The following RGPD2 variants were observed in gnomAD, a reference collection of about 807,000 sequenced individuals.
RGPD2 encodes the protein RANBP2 like and GRIP domain containing 2.
Under a neutral mutation model 36.0 loss-of-function variants are expected in RGPD2, and 2 were observed. That is an observed-to-expected ratio of 0.06 (90% confidence interval 0.02 to 0.17). The LOEUF is 0.17. Among genes scored for constraint, RGPD2 ranks in the 10% least tolerant of loss-of-function variants. RGPD2 has a pLI of 1.00. For missense variants in RGPD2, 40 were observed against 464.3 expected, an observed-to-expected ratio of 0.09 and a Z score of 8.40; for synonymous variants, 19 against 163.8, an observed-to-expected ratio of 0.12 and a Z score of 6.75.
the RGPD2 span, among the ~76,000 whole-genome samples, chr2:87,930,802 A>T: frequency 3.2e-4 from 41 of 128,812 alleles, no homozygotes; most frequent in African/African-American, 7.4e-4. Context: ...AAAGGGTGTT[A>T]TTTGTCCAGG....
intron 22 of RGPD2, among the ~76,000 whole-genome samples, chr2:87,763,199 CCAGGCTGGAGTG>C (rs1684939746): frequency 7.9e-6 from 1 of 127,040 alleles, no homozygotes; most frequent in South Asian, 2.8e-4. Flanking sequence ...GCTCTGAAGC[CCAGGCTGGAGTG>C]CAGTGGCACG....
At chr2:87,984,009 C>T in the RGPD2 span, among the ~76,000 whole-genome samples, 4 of 151,102 alleles carry the variant, frequency 2.6e-5, no homozygotes, top group South Asian at 2.1e-4. Flanking sequence ...GCGTGACGAA[C>T]GCAACCTGAC....
the RGPD2 span, among the ~76,000 whole-genome samples, chr2:87,920,096 T>C: frequency 6.6e-6 from 1 of 151,780 alleles, no homozygotes; most frequent in Non-Finnish European, 1.5e-5. Context: ...GAAGACATCA[T>C]GTATATATAA....
At chr2:87,966,226 G>T in the RGPD2 span, among the ~76,000 whole-genome samples, 1 of 152,196 alleles carries the variant, frequency 6.6e-6, no homozygotes, top group African/African-American at 2.4e-5. Flanking sequence ...AGCTGTATAT[G>T]CCACTGCATA....
chr2:87,929,066 T>C, the RGPD2 span, among the ~76,000 whole-genome samples: 5 of 152,020 alleles, frequency 3.3e-5, no homozygotes, highest in African/African-American at 1.2e-4. Flanking sequence ...AGATTCCATT[T>C]GTCAATTTTT....
chr2:87,859,350 CCTT>C, the RGPD2 span, among the ~76,000 whole-genome samples: 13 of 121,068 alleles, frequency 1.1e-4, no homozygotes, highest in African/African-American at 4.0e-4. Context: ...GTAGAGGGCT[CCTT>C]CTTCTTCTGT....
At chr2:87,921,490 G>C in the RGPD2 span, among the ~76,000 whole-genome samples, 1 of 152,106 alleles carries the variant, frequency 6.6e-6, no homozygotes, top group Admixed American at 6.5e-5. Context: ...GGAAGATTGA[G>C]ATCCCAAAGC....
chr2:87,972,827 T>C, the RGPD2 span: 5 of 1,611,842 alleles, frequency 3.1e-6, no homozygotes, highest in Non-Finnish European at 3.4e-6. Context: ...TGAGCTCTGG[T>C]GGTTCTGGCT....
the RGPD2 span, among the ~76,000 whole-genome samples, chr2:87,979,015 A>G: frequency 6.7e-6 from 1 of 148,578 alleles, no homozygotes; most frequent in South Asian, 2.1e-4. Flanking sequence ...TGGGCGGATT[A>G]TTGAGGCCAG....
the RGPD2 span, among the ~76,000 whole-genome samples, chr2:87,885,419 G>A: frequency 6.6e-6 from 1 of 151,958 alleles, no homozygotes; most frequent in Non-Finnish European, 1.5e-5. Context: ...AAAATTGAAG[G>A]CTTTTCCTTT....
intron 6 of RGPD2, among the ~76,000 whole-genome samples, chr2:87,809,827 T>C (rs1686104820): frequency 6.8e-6 from 1 of 146,026 alleles, no homozygotes; most frequent in African/African-American, 2.5e-5. Context: ...CCTCCCCCTC[T>C]GAGGGCCAAG....
the RGPD2 span, among the ~76,000 whole-genome samples, chr2:87,878,387 T>C: frequency 2.7e-5 from 4 of 149,472 alleles, no homozygotes; most frequent in Admixed American, 2.7e-4. Context: ...AGGTTGGTTA[T>C]GTTCCTCTCT....
chr2:87,973,289 G>A, the RGPD2 span, among the ~76,000 whole-genome samples: 46 of 144,976 alleles, frequency 3.2e-4, no homozygotes, highest in African/African-American at 9.2e-4. Flanking sequence ...CGCTATCGCC[G>A]TTTAACTGGC....
chr2:87,988,893 A>T, the RGPD2 span, among the ~76,000 whole-genome samples: 1 of 152,080 alleles, frequency 6.6e-6, no homozygotes, highest in Non-Finnish European at 1.5e-5. Context: ...GAAGAACCTC[A>T]GGGAACAGAA....
At chr2:87,989,729 A>G in the RGPD2 span, 10 of 1,004,212 alleles carry the variant, frequency 1.0e-5, no homozygotes, top group South Asian at 1.1e-4. Context: ...GATCTCTGAT[A>G]GAATCAATGT....
At chr2:87,975,514 C>CA in the RGPD2 span, among the ~76,000 whole-genome samples, 3 of 138,448 alleles carry the variant, frequency 2.2e-5, no homozygotes, top group African/African-American at 7.8e-5. Context: ...GGTAGTATAC[C>CA]AAAAAATGCA....
the RGPD2 span, among the ~76,000 whole-genome samples, chr2:87,866,546 T>C: frequency 6.6e-4 from 101 of 152,332 alleles, no homozygotes; most frequent in Admixed American, 2.9e-3. Context: ...CCACCACATA[T>C]GCAATTTAGA....
At chr2:87,929,473 T>TGTG in the RGPD2 span, among the ~76,000 whole-genome samples, 62 of 119,256 alleles carry the variant, frequency 5.2e-4, 1 homozygote, top group East Asian at 0.013. Context: ...GCTTTGTTTT[T>TGTG]TTTGTGTGTG....
the RGPD2 span, among the ~76,000 whole-genome samples, chr2:87,966,564 AAAAATAAAATAAAAT>A: frequency 2.0e-5 from 3 of 148,070 alleles, no homozygotes; most frequent in African/African-American, 7.6e-5. Context: ...CAAAAGCAGA[AAAAATAAAATAAAAT>A]AAAATAAAAT....
Sources: gnomAD v4.1 joint callset for allele counts (sites outside exome capture counted in the v4.1 genomes callset) on GRCh38, gnomAD v4.1.1 for gene constraint, MANE v1.5 for transcripts, NCBI Gene and HGNC (gene_info 2026-07-23, HGNC 2026-07-21) for gene names.